Variants in AP1B1 observed in about 807,000 individuals in gnomAD.
AP1B1 encodes adaptor related protein complex 1 subunit beta 1.
Under a neutral mutation model 104.3 loss-of-function variants are expected in AP1B1, and 36 were observed. That is an observed-to-expected ratio of 0.35 (90% CI 0.26 to 0.46). The LOEUF is 0.46. Ranked by LOEUF, AP1B1 falls within the 20% of genes least tolerant of loss-of-function variation. The probability of loss-of-function intolerance (pLI) is 1.00; values close to 1 mark genes in which losing one functional copy is unlikely to be tolerated. For synonymous variants in AP1B1, 504 were observed against 517.5 expected (o/e 0.97, Z 0.35); for missense variants, 901 against 1,247.9 (o/e 0.72, Z 4.19).
At chr22:29,335,921 C>G (rs1264176355) in intron 16 of AP1B1, among the ~76,000 whole-genome samples, 1 of 152,188 alleles carries the variant, frequency 6.6e-6, no homozygotes, top group Non-Finnish European at 1.5e-5. Context: ...CTGAACCTGA[C>G]CGGGGGGCAT....
At chr22:29,383,648 G>A (rs1308759245) in intron 1 of AP1B1, among the ~76,000 whole-genome samples, 1 of 143,466 alleles carries the variant, frequency 7.0e-6, no homozygotes, top group East Asian at 2.1e-4. Context: ...GGCAGAGCTT[G>A]CAGTGAGCCG....
chr22:29,371,273 T>G (rs1460541454), intron 1 of AP1B1, among the ~76,000 whole-genome samples: 34 of 152,156 alleles, frequency 2.2e-4, no homozygotes, highest in Admixed American at 2.2e-3. Flanking sequence ...AACCCTACAG[T>G]TCAGTCCTAA....
intron 1 of AP1B1, among the ~76,000 whole-genome samples, chr22:29,380,467 G>A (rs553860145): frequency 1.3e-5 from 2 of 152,232 alleles, no homozygotes; most frequent in Admixed American, 1.3e-4. Context: ...CTGTGGAGAT[G>A]ACTAGCAGGC....
intron 1 of AP1B1, among the ~76,000 whole-genome samples, chr22:29,385,790 C>G (rs147626414): frequency 3.3e-5 from 5 of 152,282 alleles, no homozygotes; most frequent in African/African-American, 9.6e-5. Flanking sequence ...AGAAACACAG[C>G]GAAGTGCAAA....
intron 16 of AP1B1, among the ~76,000 whole-genome samples, chr22:29,335,078 C>T (rs1356482908): frequency 1.3e-5 from 2 of 152,216 alleles, no homozygotes; most frequent in African/African-American, 4.8e-5. Context: ...TCTGTCTCTC[C>T]TGTACTCAGA....
At chr22:29,378,860 C>CAA (rs695434) in intron 1 of AP1B1, among the ~76,000 whole-genome samples, 4 of 110,162 alleles carry the variant, frequency 3.6e-5, no homozygotes, top group Admixed American at 1.0e-4. Context: ...CTCCGTCCCA[C>CAA]AAAAAAAAAA....
At chr22:29,352,795 A>G (rs2147985739) in intron 7 of AP1B1, among the ~76,000 whole-genome samples, 1 of 152,266 alleles carries the variant, frequency 6.6e-6, no homozygotes, top group Non-Finnish European at 1.5e-5. Context: ...ATATATGCTG[A>G]GTCCTGTGAG....
At chr22:29,336,988 C>G (rs1335221827) in intron 16 of AP1B1, among the ~76,000 whole-genome samples, 1 of 152,186 alleles carries the variant, frequency 6.6e-6, no homozygotes, top group African/African-American at 2.4e-5. Flanking sequence ...TATTGGGCTT[C>G]TGGTGAGTAC....
chr22:29,354,601 G>A, intron 7 of AP1B1, 49 bp downstream of exon 7: 1 of 1,562,258 alleles, frequency 6.4e-7, no homozygotes, highest in Non-Finnish European at 8.8e-7. Context: ...CCCAGCAGAA[G>A]AGGCTCCCCG....
chr22:29,337,473 G>C (rs900363727), intron 16 of AP1B1, among the ~76,000 whole-genome samples: 1 of 150,666 alleles, frequency 6.6e-6, no homozygotes, highest in Admixed American at 6.6e-5. Flanking sequence ...GCCAGCTCAG[G>C]GGGTGGGGAG....
intron 1 of AP1B1, among the ~76,000 whole-genome samples, chr22:29,387,253 A>G (rs1001762550): frequency 3.9e-5 from 6 of 152,162 alleles, no homozygotes; most frequent in South Asian, 4.1e-4. Context: ...ACAAAAAGCA[A>G]TAAGGCTACA....
intron 17 of AP1B1, 22 bp downstream of exon 17, chr22:29,334,243 G>A (rs202160958): frequency 2.7e-5 from 43 of 1,569,978 alleles, no homozygotes; most frequent in Admixed American, 1.9e-4. Flanking sequence ...TGAGAGGTGC[G>A]CTGGCCTCAG....
At chr22:29,349,028 T>C (rs2061833078) in intron 11 of AP1B1, among the ~76,000 whole-genome samples, 190 bp downstream of exon 11, 1 of 152,168 alleles carries the variant, frequency 6.6e-6, no homozygotes, top group East Asian at 1.9e-4. Flanking sequence ...CCACAGACTC[T>C]CACGTGTCCC....
At chr22:29,329,938 A>G in intron 21 of AP1B1, 2 of 1,425,730 alleles carry the variant, frequency 1.4e-6, no homozygotes, top group Non-Finnish European at 1.8e-6. Flanking sequence ...ACAGCGGTGC[A>G]GGCCTCCAGG....
intron 1 of AP1B1, among the ~76,000 whole-genome samples, chr22:29,375,024 G>T (rs751988452): frequency 2.0e-5 from 3 of 152,136 alleles, no homozygotes; most frequent in Non-Finnish European, 2.9e-5. Flanking sequence ...ACAGCATATG[G>T]ACATATGGAA....
chr22:29,333,884 T>C (rs751574933), intron 17 of AP1B1, among the ~76,000 whole-genome samples: 1 of 151,290 alleles, frequency 6.6e-6, no homozygotes, highest in Non-Finnish European at 1.5e-5. Flanking sequence ...GGCAAGATGG[T>C]GAAACCCCAT....
rs2061520882 is a variant in AP1B1, at chr22:29,329,220, G to A, written c.2776-325C>T. 32 of 1,215,186 alleles carry A rather than the reference G, an allele frequency of 2.6e-5. No individual in the cohort carries two copies. The South Asian group carries it at 5.7e-4, about 22-fold the overall frequency. The allele number at this position is 1,215,186 out of a possible 1,614,324, so 75.3% of individuals were successfully genotyped here. ...CCTGAGGGCTGCCCGGCCCCCCAGA[G>A]TCCCTGAAGGTCTGGGGTCCTCAGG... On this transcript the variant is annotated intron_variant, in intron 22 of 22. Coordinates refer to ENST00000357586, the MANE Select transcript of AP1B1 (RefSeq NM_001127.4).
chr22:29,351,977 G>A, intron 7 of AP1B1, 152 bp from the exon 8 acceptor site: 5 of 1,081,900 alleles, frequency 4.6e-6, no homozygotes, highest in South Asian at 1.6e-5. Context: ...AAGCTCCTGG[G>A]TAGAGGGCCC....
chr22:29,354,438 TG>T (rs2061923457), intron 7 of AP1B1, among the ~76,000 whole-genome samples: 1 of 152,132 alleles, frequency 6.6e-6, no homozygotes, highest in South Asian at 2.1e-4. Context: ...GCCGGTAGCA[TG>T]CCCCCCTCAG....
Sources: allele counts gnomAD v4.1 joint callset (sites outside exome capture counted in the v4.1 genomes callset), GRCh38; gene constraint gnomAD v4.1.1; transcripts MANE v1.5; gene names NCBI Gene and HGNC (gene_info 2026-07-23, HGNC 2026-07-21).